The following IL1RAPL2 variants were observed in gnomAD, a reference collection of about 807,000 sequenced individuals.
The protein encoded by IL1RAPL2 is interleukin 1 receptor accessory protein like 2, also known as X-linked interleukin-1 receptor accessory protein-like 2.
Under a neutral mutation model 44.1 loss-of-function variants are expected in IL1RAPL2, and 3 were observed. The observed-to-expected ratio is 0.07, with a 90% CI of 0.03 to 0.18. The LOEUF is 0.18. Ranked by LOEUF, IL1RAPL2 falls within the 10% of genes least tolerant of loss-of-function variation. The pLI, the probability that IL1RAPL2 is intolerant of heterozygous loss-of-function variation, is 1.00. For missense variants in IL1RAPL2, 391 were observed against 496.4 expected, an observed-to-expected ratio of 0.79 and a Z score of 2.02; for synonymous variants, 181 against 178.8, an observed-to-expected ratio of 1.01 and a Z score of -0.10.
intron 1 of IL1RAPL2, among the ~76,000 whole-genome samples, chrX:104,573,368 T>C (rs913406080): frequency 1.8e-5 from 2 of 112,447 alleles, no homozygotes; most frequent in African/African-American, 6.5e-5. Flanking sequence ...TAGCCACATG[T>C]GGTCAGTGAA....
chrX:104,571,391 T>G (rs1928147112), intron 1 of IL1RAPL2, among the ~76,000 whole-genome samples: 1 of 111,846 alleles, frequency 8.9e-6, no homozygotes, highest in South Asian at 3.8e-4. Flanking sequence ...GGAAGTGATA[T>G]GGTTTGGCTG....
chrX:105,056,292 T>C (rs1292311185), intron 2 of IL1RAPL2, among the ~76,000 whole-genome samples: 1 of 111,942 alleles, frequency 8.9e-6, no homozygotes, highest in African/African-American at 3.2e-5. Context: ...CAGAGCAGAC[T>C]GATGATCTTT....
chrX:105,266,300 C>G (rs1348199581), intron 4 of IL1RAPL2, among the ~76,000 whole-genome samples: 1 of 110,783 alleles, frequency 9.0e-6, no homozygotes, highest in African/African-American at 3.3e-5. Flanking sequence ...CCTCAGCCTC[C>G]CAAAGTGCTG....
intron 2 of IL1RAPL2, among the ~76,000 whole-genome samples, chrX:105,194,133 C>A (rs1315310267): frequency 8.9e-6 from 1 of 112,081 alleles, no homozygotes; most frequent in Non-Finnish European, 1.9e-5. Flanking sequence ...CCCTGGGTGT[C>A]CTTGAACCCT....
intron 2 of IL1RAPL2, among the ~76,000 whole-genome samples, chrX:105,076,408 C>T (rs1448957805): frequency 9.0e-6 from 1 of 111,727 alleles, no homozygotes; most frequent in Non-Finnish European, 1.9e-5. Context: ...GTCTGAGAGA[C>T]AGTTTGTTAT....
chrX:105,722,390 C>T (rs981657422), intron 7 of IL1RAPL2, among the ~76,000 whole-genome samples: 6 of 111,251 alleles, frequency 5.4e-5, no homozygotes, highest in South Asian at 3.8e-4. Flanking sequence ...CAGTCTAGAG[C>T]CATTTATGCT....
At chrX:105,517,204 A>G (rs906543549) in intron 6 of IL1RAPL2, among the ~76,000 whole-genome samples, 1 of 112,078 alleles carries the variant, frequency 8.9e-6, no homozygotes, top group African/African-American at 3.2e-5. Context: ...AAGTGTCCAC[A>G]GATCATTCTC....
intron 2 of IL1RAPL2, among the ~76,000 whole-genome samples, chrX:104,757,825 A>G (rs947524836): frequency 2.7e-5 from 3 of 111,986 alleles, no homozygotes; most frequent in Non-Finnish European, 5.7e-5. Context: ...TTTTATCTAG[A>G]GTTGTTCTCC....
At chrX:105,032,487 C>T (rs757140252) in intron 2 of IL1RAPL2, among the ~76,000 whole-genome samples, 16 of 111,145 alleles carry the variant, frequency 1.4e-4, no homozygotes, top group Admixed American at 1.1e-3. Flanking sequence ...GTTATTTCCC[C>T]GTATTCATTC....
chrX:105,582,005 T>C (rs1163888114), intron 6 of IL1RAPL2, among the ~76,000 whole-genome samples: 1 of 111,488 alleles, frequency 9.0e-6, no homozygotes, highest in Non-Finnish European at 1.9e-5. Flanking sequence ...ATTTTTGCAT[T>C]ATTAATTTAT....
At position 105,670,142 on chromosome X, in the gene IL1RAPL2, T is replaced by A. The variant is rs191151116; in HGVS notation, c.773-47225T>A. Among the ~76,000 whole-genome samples, 72 of 52,944 alleles carry A rather than the reference T, an allele frequency of 1.4e-3. 1 individual carries two copies. The highest frequency in any genetic ancestry group is 4.9e-3 in the African/African-American group (66 of 13,440). 46.0% of individuals were successfully genotyped at this position (52,944 alleles called of 115,157 possible). A position where few individuals can be genotyped will look rare whatever the true frequency, so the allele number is the denominator to read the frequency against. ...ATATATATATATATATATATATATA[T>A]ATATATCTCCACCAGACCACACAGT... On this transcript the variant is annotated intron_variant, in intron 6 of 10. Transcript: ENST00000372582.
chrX:104,812,803 G>T (rs1470275600), intron 2 of IL1RAPL2, among the ~76,000 whole-genome samples: 1 of 111,249 alleles, frequency 9.0e-6, no homozygotes, highest in African/African-American at 3.3e-5. Flanking sequence ...AGGGTAGTGT[G>T]GTGGTGGGAA....
intron 2 of IL1RAPL2, among the ~76,000 whole-genome samples, chrX:105,079,242 A>G (rs1286849118): frequency 1.8e-5 from 2 of 111,431 alleles, no homozygotes; most frequent in Non-Finnish European, 3.8e-5. Context: ...TAGTTCAACC[A>G]TTGTGGAAGA....
chrX:104,717,330 C>A (rs1361066472), intron 2 of IL1RAPL2, among the ~76,000 whole-genome samples: 1 of 108,899 alleles, frequency 9.2e-6, no homozygotes, highest in Non-Finnish European at 1.9e-5. Flanking sequence ...AGGTTTAATA[C>A]CTGAGTGATG....
intron 2 of IL1RAPL2, among the ~76,000 whole-genome samples, chrX:104,841,794 T>A (rs1425775986): frequency 9.0e-6 from 1 of 111,263 alleles, no homozygotes; most frequent in Non-Finnish European, 1.9e-5. Flanking sequence ...GTGGGTGACC[T>A]GACCTTTCTC....
chrX:105,436,728 G>A (rs1431525194), intron 5 of IL1RAPL2, among the ~76,000 whole-genome samples: 1 of 110,455 alleles, frequency 9.1e-6, no homozygotes, highest in Non-Finnish European at 1.9e-5. Flanking sequence ...GAGTTGGTAG[G>A]GATAAAGAGT....
At chrX:104,659,052 C>T (rs1930336553) in intron 2 of IL1RAPL2, 57 bp downstream of exon 2, 2 of 798,367 alleles carry the variant, frequency 2.5e-6, no homozygotes, top group Admixed American at 5.0e-5. Flanking sequence ...TTGTGAGCAC[C>T]CAGAGGGCAC....
chrX:104,813,399 A>C (rs1273127762), intron 2 of IL1RAPL2, among the ~76,000 whole-genome samples: 1 of 82,303 alleles, frequency 1.2e-5, no homozygotes, highest in Non-Finnish European at 2.6e-5. Flanking sequence ...CAGAAGCATA[A>C]AGATTTTTTT....
chrX:104,846,357 C>T (rs1322957320), intron 2 of IL1RAPL2, among the ~76,000 whole-genome samples: 1 of 109,669 alleles, frequency 9.1e-6, no homozygotes, highest in Non-Finnish European at 1.9e-5. Flanking sequence ...TCTCCCCACC[C>T]CACGACAGGC....
Sources: gnomAD v4.1 joint callset for allele counts (sites outside exome capture counted in the v4.1 genomes callset) on GRCh38, gnomAD v4.1.1 for gene constraint, MANE v1.5 for transcripts, NCBI Gene and HGNC (gene_info 2026-07-23, HGNC 2026-07-21) for gene names.